Variants in SLC2A3 observed in about 807,000 individuals in gnomAD.
SLC2A3 encodes the protein solute carrier family 2 member 3.
SLC2A3 carries 21 observed loss-of-function variants against 46.4 expected under a neutral mutation model. The ratio of observed to expected loss-of-function variants is 0.45; its 90% CI spans 0.32 to 0.65. The LOEUF is 0.65. Ranked by LOEUF, SLC2A3 falls within the 30% of genes least tolerant of loss-of-function variation. The probability of loss-of-function intolerance (pLI) is 0.04; values close to 1 mark genes in which losing one functional copy is unlikely to be tolerated. For missense variants in SLC2A3, 499 were observed against 623.3 expected (o/e 0.80, Z 2.12); for synonymous variants, 213 against 239.4 (o/e 0.89, Z 1.02).
In SLC2A3 at chr12:7,934,679, C is replaced by T. The variant is rs138373703; in HGVS notation, c.16-777G>A. On this transcript the variant is annotated intron_variant, in intron 1 of 9. Transcript: ENST00000075120. ...TTTTTATACCTGAGGCCAACTTCTA[C>T]GCCATTCCCCCCCACCCCACCACCC... 1.2e-3 allele frequency among the ~76,000 whole-genome samples: 183 copies of T among 152,136 alleles called. No individual in the cohort carries two copies. The Middle Eastern group carries it at 0.024, about 20-fold the overall frequency.
intron 6 of SLC2A3, 106 bp downstream of exon 6, chr12:7,929,578 C>A: frequency 6.1e-6 from 9 of 1,485,000 alleles, no homozygotes; most frequent in Non-Finnish European, 8.1e-6. Context: ...GATCCTCTTA[C>A]CTCAGCCTCC....
intron 1 of SLC2A3, among the ~76,000 whole-genome samples, chr12:7,935,503 A>G (rs1327442507): frequency 6.6e-6 from 1 of 152,176 alleles, no homozygotes; most frequent in Non-Finnish European, 1.5e-5. Context: ...ACAACACTCA[A>G]TATTTTAGTA....
chr12:7,936,027 G>A lies in SLC2A3; in HGVS notation c.8C>T (p.Thr3Ile). 1 of 1,607,040 alleles carries A rather than the reference G, an allele frequency of 6.2e-7. No homozygotes were observed. The highest frequency in any genetic ancestry group is 8.5e-7 in the Non-Finnish European group (1 of 1,173,632). The change falls in exon 1 of 10, where the codon ACA (threonine) becomes ATA (isoleucine). Residue 3 changes from threonine to isoleucine, a missense_variant. Transcript: ENST00000075120. MGTQKVTPALIFA... is the reference protein window; with the variant it reads MGIQKVTPALIFA... ...TAATTATATCATTCTTACCTTCTGT[G>A]TCCCCATCGCTGTAATCTAATTCAA...
chr12:7,922,243 A>G (rs1398594390), intron 9 of SLC2A3, among the ~76,000 whole-genome samples: 1 of 151,936 alleles, frequency 6.6e-6, no homozygotes, highest in African/African-American at 2.4e-5. Flanking sequence ...TTTTGTATTT[A>G]TTGTAGAAAC....
rs944665220 is a variant in SLC2A3, at chr12:7,922,639, T to C, written c.1272+182A>G. The stretch of plus-strand genomic sequence containing the variant: ...ACCATGCCCAGCTAATTTTTGAATT[T>C]CACCATGTTGGCCAGGCTGGTCTTG... On this transcript the variant is annotated intron_variant, in intron 9 of 9. Coordinates refer to ENST00000075120, the MANE Select transcript of SLC2A3 (RefSeq NM_006931.3). Among the ~76,000 whole-genome samples the C allele has an allele frequency of 2.0e-5, 3 of 152,058 alleles. No homozygotes were observed. In the East Asian group the frequency reaches 5.8e-4, roughly 29 times the overall value.
chr12:7,933,490 G>T (rs1946180550), intron 2 of SLC2A3: 8 of 460,700 alleles, frequency 1.7e-5, no homozygotes, highest in Non-Finnish European at 7.8e-6. Context: ...AGCGTTCCGG[G>T]AGTAAGTGAG....
At chr12:7,930,087 A>T (rs1946136012) in intron 5 of SLC2A3, 1 of 983,792 alleles carries the variant, frequency 1.0e-6, no homozygotes, top group Non-Finnish European at 1.4e-6. Context: ...CCGGGTTCAC[A>T]CGATTCTCCT....
At chr12:7,929,334 C>T (rs74974190) in intron 6 of SLC2A3, among the ~76,000 whole-genome samples, 3,709 of 152,128 alleles carry the variant, frequency 0.024, 143 homozygotes, top group African/African-American at 0.083. Context: ...TCCGTTGTGC[C>T]GCCCTCTTTA....
chr12:7,922,948 C>A lies in SLC2A3; in HGVS notation c.1145G>T (p.Gly382Val). 6.2e-7 allele frequency: 1 copy of A among 1,614,076 alleles called. No homozygotes were observed. The highest frequency in any genetic ancestry group is 8.5e-7 in the Non-Finnish European group (1 of 1,180,012). Residue 382 changes from glycine to valine, a missense_variant, in exon 9 of 10, where the codon GGC becomes GTC. By Grantham distance (109) the Gly-to-Val change is moderately radical. Transcript: ENST00000075120. Reference sequence around the variant, plus strand: ...GGCCACAATAAACCAGGGAATGGGGCCTGGTCCAATTTCAAAGAAGGCTAC... The same window carrying A: ...GGCCACAATAAACCAGGGAATGGGGACTGGTCCAATTTCAAAGAAGGCTAC... ...VFVAFFEIGP[G>V]PIPWFIVAEL... is the part of the protein sequence containing the mutation.
intron 1 of SLC2A3, among the ~76,000 whole-genome samples, chr12:7,934,921 C>A (rs746095337): frequency 6.6e-6 from 1 of 152,284 alleles, no homozygotes; most frequent in South Asian, 2.1e-4. Flanking sequence ...CTCCTCTCAT[C>A]ATTCACTATC....
At chr12:7,925,111 C>A (rs1323302355) in intron 7 of SLC2A3, among the ~76,000 whole-genome samples, 1 of 152,280 alleles carries the variant, frequency 6.6e-6, no homozygotes, top group Non-Finnish European at 1.5e-5. Context: ...CACCCCAACC[C>A]CACAGAGACA....
chr12:7,927,659 T>C (rs1017259037), intron 6 of SLC2A3, among the ~76,000 whole-genome samples: 2 of 152,254 alleles, frequency 1.3e-5, no homozygotes, highest in South Asian at 4.1e-4. Context: ...TACACAGAGA[T>C]TCTCAAATTC....
chr12:7,932,878 T>G, intron 3 of SLC2A3, 109 bp downstream of exon 3: 1 of 1,479,668 alleles, frequency 6.8e-7, no homozygotes, highest in Non-Finnish European at 9.2e-7. Context: ...TGATTAGAAT[T>G]CAAGGTGTTC....
At chr12:7,929,098 G>GT (rs1183873079) in intron 6 of SLC2A3, among the ~76,000 whole-genome samples, 4 of 152,022 alleles carry the variant, frequency 2.6e-5, no homozygotes, top group African/African-American at 9.7e-5. Context: ...GCTCAAAATA[G>GT]TAAGTTTTGC....
intron 4 of SLC2A3, among the ~76,000 whole-genome samples, 200 bp downstream of exon 4, chr12:7,931,045 C>T (rs1019875439): frequency 1.3e-5 from 2 of 152,072 alleles, no homozygotes; most frequent in Non-Finnish European, 2.9e-5. Context: ...ATCTGCCCAC[C>T]TCGGCCTCCC....
In SLC2A3 at chr12:7,919,979, A is replaced by ACTCATACT. The variant is rs1257556957; in HGVS notation, c.*1426_*1433dup. 1.3e-5 allele frequency: 2 copies of ACTCATACT among 152,100 alleles called. No homozygotes were observed. Among genetic ancestry groups the ACTCATACT allele is most frequent in the Non-Finnish European group, 2.9e-5 (2 of 68,014 alleles). The allele number at this position is 152,100 out of a possible 1,614,324, so 9.4% of individuals were successfully genotyped here. ...CAAGTGTGGGCTACACTGCACATTG[A>ACTCATACT]CTCATACTGTCTAAACCTGGTTTAT... On this transcript the variant is annotated 3_prime_UTR_variant, in exon 10 of 10. Coordinates refer to ENST00000075120, the MANE Select transcript of SLC2A3 (RefSeq NM_006931.3).
intron 6 of SLC2A3, 74 bp downstream of exon 6, chr12:7,929,610 G>A: frequency 6.4e-7 from 1 of 1,562,472 alleles, no homozygotes; most frequent in Non-Finnish European, 8.7e-7. Flanking sequence ...GACTACAGAG[G>A]CACACCGCCA....
rs776087207 is a variant in SLC2A3, at chr12:7,921,469, C to T, written c.1435G>A (p.Gly479Ser). ...TCGATGCTGTTCATCTCCATGACGC[C>T]GTCCTTTCCAGATCTATCTGCACCG... ...AHGADRSGKDGVMEMNSIEPA... is the reference protein window; with the variant it reads ...AHGADRSGKDSVMEMNSIEPA... Residue 479 changes from glycine to serine, a missense_variant, in exon 10 of 10, where the codon GGC (glycine) becomes AGC (serine). Physicochemically the swap from Gly to Ser is moderately conservative, Grantham distance 56 (BLOSUM62 0). This residue lies in a region of SLC2A3 where 179 missense variants were observed against 205.1 expected (regional missense o/e 0.87). Coordinates refer to ENST00000075120, the MANE Select transcript of SLC2A3 (RefSeq NM_006931.3). 4.3e-6 allele frequency: 7 copies of T among 1,613,816 alleles called. No individual in the cohort carries two copies. The highest frequency in any genetic ancestry group is 1.1e-5 in the South Asian group (1 of 91,080).
intron 7 of SLC2A3, 183 bp downstream of exon 7, chr12:7,925,661 A>G: frequency 1.7e-6 from 1 of 574,426 alleles, no homozygotes; most frequent in Non-Finnish European, 3.1e-6. Flanking sequence ...CTCCTTTCCC[A>G]TCCATCCCAT....
Sources: gnomAD v4.1 joint callset for allele counts (sites outside exome capture counted in the v4.1 genomes callset) on GRCh38, gnomAD v4.1.1 for gene constraint, gnomAD v4.1.1 regional missense constraint, MANE v1.5 for transcripts, NCBI Gene and HGNC (gene_info 2026-07-23, HGNC 2026-07-21) for gene names.